Variants in ARHGEF18 observed in about 807,000 individuals in gnomAD.
ARHGEF18 encodes Rho/Rac guanine nucleotide exchange factor 18, also known as rho guanine nucleotide exchange factor 18.
A neutral mutation model predicts 155.7 loss-of-function variants in ARHGEF18; 93 were observed. The observed-to-expected ratio is 0.60, with a 90% CI of 0.50 to 0.71. The LOEUF is 0.71. ARHGEF18 is among the 30% of genes least tolerant of loss of function. The pLI is 0.00. For missense variants in ARHGEF18, 1,593 were observed against 1,816.1 expected, an observed-to-expected ratio of 0.88 and a Z score of 2.23; for synonymous variants, 742 against 753.1, an observed-to-expected ratio of 0.99 and a Z score of 0.24.
downstream of ARHGEF18, chr19:7,473,353 A>G (rs1315326522): frequency 6.7e-6 from 3 of 449,366 alleles, no homozygotes; most frequent in Middle Eastern, 3.3e-4. Flanking sequence ...TTTCATTTTT[A>G]GTAGCCATAT....
At chr19:7,416,062 G>T (rs895199299) in intron 10 of ARHGEF18, among the ~76,000 whole-genome samples, 9 of 152,076 alleles carry the variant, frequency 5.9e-5, no homozygotes, top group African/African-American at 2.2e-4. Context: ...GAGTACCACG[G>T]TTTTCGCATT....
At position 7,445,577 on chromosome 19, in the gene ARHGEF18, G is replaced by A. The variant is rs867250259; in HGVS notation, c.1611+1123G>A. On this transcript the variant is annotated intron_variant, in intron 14 of 28. Coordinates refer to ENST00000668164, the MANE Select transcript of ARHGEF18 (RefSeq NM_001367823.1). ...TCATGTGACCTCAAACTATTTGCTC[G>A]AAGCATCCTGGGCCAACTAATTAGA... 4.6e-5 allele frequency among the ~76,000 whole-genome samples: 7 copies of A among 152,190 alleles called. No homozygotes were observed. In the Middle Eastern group the frequency reaches 0.01, roughly 222 times the overall value.
intron 1 of ARHGEF18, among the ~76,000 whole-genome samples, chr19:7,351,384 C>G (rs1040463973): frequency 1.3e-5 from 2 of 151,944 alleles, no homozygotes; most frequent in African/African-American, 4.8e-5. Context: ...AGTGCAGTGG[C>G]ACGATCTCGG....
intron 2 of ARHGEF18, among the ~76,000 whole-genome samples, 181 bp from the exon 3 acceptor site, chr19:7,372,631 G>A (rs1239483896): frequency 2.0e-5 from 3 of 152,164 alleles, no homozygotes; most frequent in Admixed American, 1.3e-4. Flanking sequence ...AGGGGACTGG[G>A]GGACTACTCC....
chr19:7,372,180 GA>G (rs2145399517), intron 2 of ARHGEF18, among the ~76,000 whole-genome samples: 1 of 152,266 alleles, frequency 6.6e-6, no homozygotes, highest in South Asian at 2.1e-4. Flanking sequence ...CCTGGAAAAG[GA>G]CAATTCCTGT....
rs1976433348 is a variant in ARHGEF18, at chr19:7,463,730, C to G, written c.2636-88C>G. ...CACCACCCCAGTGAGTCCCTCCGTC[C>G]ACCCGGGTCTCGCTGCCCCAGCGCT... On this transcript the variant is annotated intron_variant, in intron 21 of 28. Transcript: ENST00000668164. This position sits in a 1 kb window ranked among gnomAD's most constrained non-coding sequence, Gnocchi z 5.2. 1.9e-5 allele frequency: 28 copies of G among 1,438,542 alleles called. No individual in the cohort carries two copies. The highest frequency in any genetic ancestry group is 2.1e-5 in the Non-Finnish European group (23 of 1,080,400). The allele number at this position is 1,438,542 out of a possible 1,614,324, so 89.1% of individuals were successfully genotyped here.
chr19:7,433,091 T>C (rs1347743505), intron 10 of ARHGEF18, among the ~76,000 whole-genome samples: 4 of 150,884 alleles, frequency 2.7e-5, no homozygotes, highest in Admixed American at 2.6e-4. Context: ...AGCCCAGGAA[T>C]TGGAGGCTTC....
chr19:7,357,903 A>T (rs1231750138), intron 1 of ARHGEF18, among the ~76,000 whole-genome samples: 1 of 151,962 alleles, frequency 6.6e-6, no homozygotes, highest in Non-Finnish European at 1.5e-5. Flanking sequence ...ATGTCTGATG[A>T]GTGCAGTCTG....
At chr19:7,458,113 C>T (rs772697475) in intron 18 of ARHGEF18, among the ~76,000 whole-genome samples, 8 of 151,844 alleles carry the variant, frequency 5.3e-5, no homozygotes, top group Admixed American at 2.6e-4. Flanking sequence ...ATAGTGAGAT[C>T]CCATCTCTAC....
chr19:7,433,674 A>G (rs1431977752), intron 10 of ARHGEF18, among the ~76,000 whole-genome samples: 1 of 152,104 alleles, frequency 6.6e-6, no homozygotes, highest in Non-Finnish European at 1.5e-5. Flanking sequence ...TGTGGCTTAC[A>G]GGATTTATGA....
At position 7,439,743 on chromosome 19, in the gene ARHGEF18, A is replaced by G. The variant is rs1217890815; in HGVS notation, c.968-601A>G. 19 of 1,377,398 alleles carry G rather than the reference A, an allele frequency of 1.4e-5. 1 individual carries two copies. The South Asian group carries it at 3.0e-4, about 22-fold the overall frequency. 85.3% of individuals were successfully genotyped at this position (1,377,398 alleles called of 1,614,324 possible). On this transcript the variant is annotated intron_variant, in intron 10 of 28. Transcript: ENST00000668164. ...AGAGTCACCCTAACATCTGATCTAG[A>G]TTAATTATCATCATGTGCGAGGTTT...
At position 7,467,574 on chromosome 19, in the gene ARHGEF18, C is replaced by T. The variant is rs1439290638; in HGVS notation, c.3370C>T (p.Arg1124Cys). Residue 1124 changes from arginine (R) to cysteine (C), a missense_variant, in exon 26 of 29, where the codon CGC becomes TGC. Physicochemically the swap from Arg to Cys is radical, Grantham distance 180. Coordinates refer to ENST00000668164, the MANE Select transcript of ARHGEF18 (RefSeq NM_001367823.1). ...QAYQHDLERLREAQRAVERER... is the reference protein window; with the variant it reads ...QAYQHDLERLCEAQRAVERER... ...CTACCAGCACGACCTGGAGCGGCTG[C>T]GCGAGGCCCAGCGTGCCGTGGAGCG... The T allele has an allele frequency of 2.0e-6, 3 of 1,498,348 alleles. No homozygotes were observed. The highest frequency in any genetic ancestry group is 2.7e-5 in the East Asian group (1 of 37,522). 92.8% of individuals were successfully genotyped at this position (1,498,348 alleles called of 1,614,324 possible).
chr19:7,461,151 GC>G (rs1976227756), intron 20 of ARHGEF18, among the ~76,000 whole-genome samples: 1 of 151,952 alleles, frequency 6.6e-6, no homozygotes, highest in African/African-American at 2.4e-5. Context: ...GGTGGCTCAT[GC>G]CTGTAATCCC....
intron 2 of ARHGEF18, among the ~76,000 whole-genome samples, chr19:7,367,847 T>TATATATACAC (rs1969981923): frequency 4.6e-5 from 3 of 64,646 alleles, no homozygotes; most frequent in South Asian, 4.4e-4. Context: ...ATATTTTATA[T>TATATATACAC]ATATATATAC....
downstream of ARHGEF18, chr19:7,472,874 A>AT (rs997326095): frequency 1.2e-5 from 5 of 422,426 alleles, no homozygotes; most frequent in East Asian, 7.3e-5. Context: ...TAATTTTTGT[A>AT]TTTTTTTAGT....
chr19:7,457,764 A>G (rs1252131125), intron 18 of ARHGEF18, among the ~76,000 whole-genome samples: 1 of 151,656 alleles, frequency 6.6e-6, no homozygotes, highest in Non-Finnish European at 1.5e-5. Context: ...AGTGTAGCCC[A>G]CTCTAGCCAG....
the ARHGEF18 span, among the ~76,000 whole-genome samples, chr19:7,478,154 T>C: frequency 6.6e-6 from 1 of 152,216 alleles, no homozygotes; most frequent in East Asian, 1.9e-4. Flanking sequence ...AGTTTCTCCA[T>C]CTGTAAAAGG....
intron 10 of ARHGEF18, chr19:7,439,902 A>G: frequency 2.8e-6 from 4 of 1,450,256 alleles, no homozygotes; most frequent in Non-Finnish European, 3.6e-6. Context: ...TTTCTGTTTT[A>G]TTCTATCAAA....
chr19:7,356,330 G>A (rs1286830042), intron 1 of ARHGEF18, among the ~76,000 whole-genome samples: 8 of 151,134 alleles, frequency 5.3e-5, no homozygotes, highest in Non-Finnish European at 8.8e-5. Flanking sequence ...GAGTGCAGTG[G>A]CGCGATCTCA....
Sources: allele counts gnomAD v4.1 joint callset (sites outside exome capture counted in the v4.1 genomes callset), GRCh38; gene constraint gnomAD v4.1.1; non-coding constraint Gnocchi (gnomAD v3.1); transcripts MANE v1.5; gene names NCBI Gene and HGNC (gene_info 2026-07-23, HGNC 2026-07-21).